The following CIMAP3 variants were observed in gnomAD, a reference collection of about 807,000 sequenced individuals.
CIMAP3 encodes ciliary microtubule-associated protein 3.
At chr1:111,338,206 G>C in the CIMAP3 span, among the ~76,000 whole-genome samples, 1 of 151,880 alleles carries the variant, frequency 6.6e-6, no homozygotes. Context: ...AGTGTGTAGA[G>C]GGAAATTTAT....
chr1:111,336,035 C>T, the CIMAP3 span, among the ~76,000 whole-genome samples: 1,267 of 152,302 alleles, frequency 8.3e-3, 17 homozygotes, highest in African/African-American at 0.029. Context: ...GCAGCATTCG[C>T]GGTTCATGAA....
chr1:111,352,831 G>A, the CIMAP3 span: 1 of 152,218 alleles, frequency 6.6e-6, no homozygotes, highest in Non-Finnish European at 1.5e-5. Flanking sequence ...TGGAGGTGGG[G>A]ATAGAACATC....
the CIMAP3 span, chr1:111,351,215 G>T: frequency 2.2e-6 from 3 of 1,375,572 alleles, no homozygotes; most frequent in Non-Finnish European, 3.1e-6. Context: ...GAGGCAGAGG[G>T]TTCTCATTAG....
At chr1:111,336,287 G>A in the CIMAP3 span, among the ~76,000 whole-genome samples, 25 of 152,132 alleles carry the variant, frequency 1.6e-4, no homozygotes, top group Non-Finnish European at 2.6e-4. Flanking sequence ...TCTAAAAAAC[G>A]GAGCACCTCT....
the CIMAP3 span, among the ~76,000 whole-genome samples, chr1:111,330,289 T>C: frequency 2.6e-5 from 4 of 152,172 alleles, no homozygotes; most frequent in South Asian, 4.1e-4. Flanking sequence ...AGTTCTTGCA[T>C]TGGTTCTTTC....
the CIMAP3 span, among the ~76,000 whole-genome samples, chr1:111,339,462 T>C: frequency 6.6e-6 from 1 of 150,614 alleles, no homozygotes; most frequent in Admixed American, 6.6e-5. Flanking sequence ...AACCCCATTG[T>C]CTCAGCCCAA....
chr1:111,345,083 C>T, the CIMAP3 span, among the ~76,000 whole-genome samples: 1 of 152,124 alleles, frequency 6.6e-6, no homozygotes, highest in Admixed American at 6.6e-5. Context: ...GTAGGCTATA[C>T]CATCTAGGTT....
the CIMAP3 span, among the ~76,000 whole-genome samples, chr1:111,333,947 T>C: frequency 6.6e-6 from 1 of 152,234 alleles, no homozygotes; most frequent in African/African-American, 2.4e-5. Flanking sequence ...ATACAGTCCA[T>C]CGTTGATCAA....
the CIMAP3 span, among the ~76,000 whole-genome samples, chr1:111,337,868 T>A: frequency 6.6e-6 from 1 of 150,502 alleles, no homozygotes; most frequent in Non-Finnish European, 1.5e-5. Context: ...TACAGAACTC[T>A]CCACACCAAA....
chr1:111,333,316 TG>T, the CIMAP3 span, among the ~76,000 whole-genome samples: 1,205 of 152,120 alleles, frequency 7.9e-3, 16 homozygotes, highest in African/African-American at 0.027. Context: ...AGTGGAAGCT[TG>T]TGGAATAAAG....
At chr1:111,332,324 C>T in the CIMAP3 span, among the ~76,000 whole-genome samples, 1 of 152,306 alleles carries the variant, frequency 6.6e-6, no homozygotes, top group African/African-American at 2.4e-5. Flanking sequence ...TGCTTCATTG[C>T]CCTAAGGCCA....
chr1:111,343,015 C>T, the CIMAP3 span, among the ~76,000 whole-genome samples: 1 of 152,108 alleles, frequency 6.6e-6, no homozygotes, highest in African/African-American at 2.4e-5. Flanking sequence ...CAGTTTGCTT[C>T]TATGCTGCTA....
chr1:111,335,156 CA>C, the CIMAP3 span, among the ~76,000 whole-genome samples: 1 of 58,958 alleles, frequency 1.7e-5, no homozygotes, highest in Admixed American at 1.4e-4. Flanking sequence ...AAAAAAAAGA[CA>C]GAAAAAAAAA....
chr1:111,344,560 T>C, the CIMAP3 span, among the ~76,000 whole-genome samples: 6 of 152,216 alleles, frequency 3.9e-5, no homozygotes, highest in Non-Finnish European at 7.3e-5. Context: ...GGGTATATCT[T>C]TGATATCTTC....
the CIMAP3 span, chr1:111,351,532 G>A: frequency 7.5e-6 from 3 of 397,668 alleles, no homozygotes; most frequent in Middle Eastern, 1.3e-3. Flanking sequence ...TGGTGTACAC[G>A]TGCATGTCTG....
chr1:111,327,438 C>G, the CIMAP3 span, among the ~76,000 whole-genome samples: 5 of 152,040 alleles, frequency 3.3e-5, no homozygotes, highest in Non-Finnish European at 7.4e-5. Flanking sequence ...ATGGTCCCAG[C>G]TCTTCTTTGT....
chr1:111,326,692 A>G, the CIMAP3 span, among the ~76,000 whole-genome samples: 1 of 152,086 alleles, frequency 6.6e-6, no homozygotes, highest in African/African-American at 2.4e-5. Flanking sequence ...AGTTATAATA[A>G]TTTCCATTTC....
the CIMAP3 span, chr1:111,324,964 T>C: frequency 2.5e-6 from 2 of 815,714 alleles, no homozygotes; most frequent in Middle Eastern, 6.3e-4. Context: ...TGGAAAGAAG[T>C]AGAATATTCA....
the CIMAP3 span, among the ~76,000 whole-genome samples, chr1:111,338,979 A>G: frequency 6.6e-6 from 1 of 152,368 alleles, no homozygotes; most frequent in Non-Finnish European, 1.5e-5. Context: ...AACCAAATCC[A>G]GCAGCACATC....
Sources: allele counts gnomAD v4.1 joint callset (sites outside exome capture counted in the v4.1 genomes callset), GRCh38; gene constraint gnomAD v4.1.1; transcripts MANE v1.5; gene names NCBI Gene and HGNC (gene_info 2026-07-23, HGNC 2026-07-21).